PLCD1: variants seen among roughly 807,000 people sequenced by gnomAD.
PLCD1 encodes the protein phospholipase C delta 1.
PLCD1 carries 71 observed loss-of-function variants against 87.4 expected under a neutral mutation model. That is an observed-to-expected ratio of 0.81 (90% CI 0.67 to 0.99). The LOEUF is 0.99. Ranked by LOEUF, PLCD1 falls within the 50% of genes least tolerant of loss-of-function variation. PLCD1 has a pLI of 0.00. For missense variants in PLCD1, 867 were observed against 1,001.5 expected, an observed-to-expected ratio of 0.87 and a Z score of 1.81; for synonymous variants, 348 against 399.2, an observed-to-expected ratio of 0.87 and a Z score of 1.53.
At position 38,025,394 on chromosome 3, in the gene PLCD1, C is replaced by T. The variant is rs999011103; in HGVS notation, c.34+4112G>A. Reference sequence around the variant, plus strand: ...CAGTGGGAGGTGGATGGCAGTCTAGCGGGGACCTGAGTGGGGCGAGATCAG... The same window carrying T: ...CAGTGGGAGGTGGATGGCAGTCTAGTGGGGACCTGAGTGGGGCGAGATCAG... On this transcript the variant is annotated intron_variant, in intron 1 of 14. Transcript: ENST00000334661. The surrounding 1 kb of genome is among the most constrained non-coding windows in gnomAD (Gnocchi z 4.0). Among the ~76,000 whole-genome samples, 1 of 152,044 alleles carries T rather than the reference C, an allele frequency of 6.6e-6. No individual in the cohort carries two copies. The highest frequency in any genetic ancestry group is 1.5e-5 in the Non-Finnish European group (1 of 67,994).
In PLCD1 at chr3:38,020,240, C is replaced by T. The variant is rs761527475; in HGVS notation, c.147G>A (p.Lys49=). The T allele has an allele frequency of 8.7e-5, 141 of 1,613,972 alleles. No homozygotes were observed. Among genetic ancestry groups the T allele is most frequent in the Non-Finnish European group, 1.2e-4 (136 of 1,179,974 alleles). ...CCTTGCGGGACTCCTGCCAGATGGT[C>T]TTGCAGTCCTCCTGCAACTTGTAGA... is the stretch of plus-strand genomic sequence containing the variant. ...ERFYKLQEDC[K]TIWQESRKVM... Residue 49 remains lysine, a synonymous_variant, in exon 2 of 15, where the codon AAG becomes AAA. Transcript: ENST00000334661.
chr3:38,016,723 C>A lies in PLCD1; in HGVS notation c.200-4G>T, dbSNP rs1019545410. The A allele has an allele frequency of 6.5e-7, 1 of 1,542,172 alleles. No homozygotes were observed. Among genetic ancestry groups the A allele is most frequent in the Non-Finnish European group, 8.8e-7 (1 of 1,137,506 alleles). ...TCCTGAATGTCCTCGATGGAGACTGCGAGAGGGGGATGGTGGAGGAGAGAG... is the reference window on the plus strand; with the variant it reads ...TCCTGAATGTCCTCGATGGAGACTGAGAGAGGGGGATGGTGGAGGAGAGAG... On this transcript the variant is annotated splice_polypyrimidine_tract_variant and splice_region_variant and intron_variant, in intron 2 of 14. Coordinates refer to ENST00000334661, the MANE Select transcript of PLCD1 (RefSeq NM_006225.4).
rs769569382 is a variant in PLCD1, at chr3:38,010,255, C to T, written c.1013G>A (p.Arg338Gln). 6.8e-6 allele frequency: 11 copies of T among 1,614,246 alleles called. No homozygotes were observed. Among genetic ancestry groups the T allele is most frequent in the Admixed American group, 1.7e-5 (1 of 60,034 alleles). The stretch of plus-strand genomic sequence containing the variant: ...GTCCCAGCAGTCAAGCTCCAGGCAT[C>T]GGCAGCCTTTGCACAGTGCCCTGCG... ...AYIRALCKGCRCLELDCWDGP... is the reference protein window; with the variant it reads ...AYIRALCKGCQCLELDCWDGP... Residue 338 changes from arginine to glutamine, a missense_variant, in exon 7 of 15, where the codon CGA becomes CAA. Coordinates refer to ENST00000334661, the MANE Select transcript of PLCD1 (RefSeq NM_006225.4).
intron 1 of PLCD1, among the ~76,000 whole-genome samples, chr3:38,022,141 C>G (rs771766970): frequency 1.3e-5 from 2 of 152,226 alleles, no homozygotes; most frequent in Non-Finnish European, 2.9e-5. Flanking sequence ...GGGTGACAGT[C>G]TGATGTGACC....
At position 38,018,809 on chromosome 3, in the gene PLCD1, C is replaced by G. The variant is rs1010806815; in HGVS notation, c.199+1379G>C. Among the ~76,000 whole-genome samples the G allele has an allele frequency of 1.1e-4, 16 of 152,134 alleles. No homozygotes were observed. Reference sequence around the variant, plus strand: ...AAAAGGTCAGGCGGTCACTCCTGTACAGTGTGGCAGCAGGCTGAGCTGGGG... The same window carrying G: ...AAAAGGTCAGGCGGTCACTCCTGTAGAGTGTGGCAGCAGGCTGAGCTGGGG... On this transcript the variant is annotated intron_variant, in intron 2 of 14. Coordinates refer to ENST00000334661, the MANE Select transcript of PLCD1 (RefSeq NM_006225.4). This position sits in a 1 kb window ranked among gnomAD's most constrained non-coding sequence, Gnocchi z 5.7.
Position 38,010,113 on chromosome 3 carries a change from T to C in PLCD1, c.1137+18A>G. ...CACCCCTAGCATCCCACTCCTCACC[T>C]GCCAGGGGCACTCCCACCTTGAAGG... is the stretch of plus-strand genomic sequence containing the variant. On this transcript the variant is annotated intron_variant, in intron 7 of 14. Coordinates refer to ENST00000334661, the MANE Select transcript of PLCD1 (RefSeq NM_006225.4). 1.2e-6 allele frequency: 2 copies of C among 1,614,238 alleles called. No individual in the cohort carries two copies. Among genetic ancestry groups the C allele is most frequent in the Non-Finnish European group, 1.7e-6 (2 of 1,180,030 alleles).
chr3:38,020,637 A>T, intron 1 of PLCD1, among the ~76,000 whole-genome samples: 1 of 152,222 alleles, frequency 6.6e-6, no homozygotes, highest in East Asian at 1.9e-4. Flanking sequence ...CCACAGCTGA[A>T]TGAACAAAAG....
Position 38,010,279 on chromosome 3 carries a change from C to A in PLCD1, c.993-4G>T. On this transcript the variant is annotated splice_polypyrimidine_tract_variant and splice_region_variant and intron_variant, in intron 6 of 14. Transcript: ENST00000334661. ...TCGGCAGCCTTTGCACAGTGCCCTG[C>A]GGGGAGGGTGGTGGCTAGGACCCTC... 1 of 1,614,190 alleles carries A rather than the reference C, an allele frequency of 6.2e-7. No homozygotes were observed. Among genetic ancestry groups the A allele is most frequent in the Non-Finnish European group, 8.5e-7 (1 of 1,180,020 alleles).
chr3:38,024,845 T>G (rs1416244716), intron 1 of PLCD1: 11 of 714,240 alleles, frequency 1.5e-5, no homozygotes, highest in Non-Finnish European at 1.9e-5. Flanking sequence ...CCAAGAGGGG[T>G]GGGACTAACG....
chr3:38,007,964 C>T, intron 14 of PLCD1, 50 bp downstream of exon 14: 1 of 1,612,860 alleles, frequency 6.2e-7, no homozygotes, highest in Non-Finnish European at 8.5e-7. Flanking sequence ...CCAAGAGACG[C>T]CAGGCCCTGC....
intron 14 of PLCD1, 73 bp downstream of exon 14, chr3:38,007,941 A>G (rs2125542339): frequency 6.2e-7 from 1 of 1,607,830 alleles, no homozygotes; most frequent in African/African-American, 1.3e-5. Flanking sequence ...GTCAAGGGAC[A>G]GCCAGCCCCA....
At chr3:38,016,461 G>A (rs758033333) in intron 3 of PLCD1, 30 bp downstream of exon 3, 2 of 1,492,736 alleles carry the variant, frequency 1.3e-6, no homozygotes, top group African/African-American at 2.8e-5. Context: ...CCACAAGCCA[G>A]GCCTGGACCC....
At position 38,007,745 on chromosome 3, in the gene PLCD1, A is replaced by AG. The variant is rs1559369689; in HGVS notation, c.*27dup. On this transcript the variant is annotated 3_prime_UTR_variant, in exon 15 of 15. Transcript: ENST00000334661. ...TGTGGACAGAGGGCCCAGCCCACTC[A>AG]GGGGGGACCCCACTGGCTTCCTCCA... The AG allele has an allele frequency of 3.2e-6, 5 of 1,566,158 alleles. No homozygotes were observed. Among genetic ancestry groups the AG allele is most frequent in the East Asian group, 4.5e-5 (2 of 44,642 alleles).
rs773349864 is a variant in PLCD1 at position 38,008,466 on chromosome 3, T to G, written c.1894A>C (p.Asn632His). The G allele has an allele frequency of 1.9e-5, 30 of 1,614,086 alleles. No homozygotes were observed. The Middle Eastern group carries it at 4.9e-4, about 27-fold the overall frequency. Reference sequence around the variant, plus strand: ...TCCTAGGTCCAGCGTACCCTGATGTTGAGCCGCTTCCGTGCCCACCAGGGC... The same window carrying G: ...TCCTAGGTCCAGCGTACCCTGATGTGGAGCCGCTTCCGTGCCCACCAGGGC... ...QGPWWARKRL[N>H]IRVISGQQLP... The change falls in exon 12 of 15, where the codon AAC becomes CAC. Residue 632 changes from asparagine (N) to histidine (H), a missense_variant. By Grantham distance (68) the Asn-to-His change is moderately conservative. Coordinates refer to ENST00000334661, the MANE Select transcript of PLCD1 (RefSeq NM_006225.4).
Position 38,025,027 on chromosome 3 carries a change from A to T in PLCD1, c.34+4479T>A, listed in dbSNP as rs1325115465. 3.9e-5 allele frequency among the ~76,000 whole-genome samples: 6 copies of T among 152,216 alleles called. No homozygotes were observed. The South Asian group carries it at 1.0e-3, about 26-fold the overall frequency. On this transcript the variant is annotated intron_variant, in intron 1 of 14. Coordinates refer to ENST00000334661, the MANE Select transcript of PLCD1 (RefSeq NM_006225.4). The surrounding 1 kb of genome is among the most constrained non-coding windows in gnomAD (Gnocchi z 4.0). ...AAGCCTGGGGGCGGGGCCAGAGCCA[A>T]GGCAGCGGGGCGAAGGAGGGGCCAG... is the stretch of plus-strand genomic sequence containing the variant.
intron 3 of PLCD1, among the ~76,000 whole-genome samples, chr3:38,012,633 T>C (rs895682845): frequency 2.0e-5 from 3 of 150,052 alleles, no homozygotes; most frequent in Non-Finnish European, 4.4e-5. Flanking sequence ...TCTCCTGCCC[T>C]AGCCTCCTGA....
rs752394842 is a variant in PLCD1, at chr3:38,010,574, G to A, written c.791-12C>T. On this transcript the variant is annotated splice_polypyrimidine_tract_variant and intron_variant, in intron 5 of 14. Transcript: ENST00000334661. ...CCGCTGCGCCTTGGCTGGGAGGGAG[G>A]AGGCCACTGCCCGTCAGAGCCAGCC... 2.5e-6 allele frequency: 4 copies of A among 1,608,352 alleles called. No individual in the cohort carries two copies. The highest frequency in any genetic ancestry group is 1.7e-4 in the Middle Eastern group (1 of 6,044).
At chr3:38,016,433 G>T in intron 3 of PLCD1, 58 bp downstream of exon 3, 1 of 1,219,464 alleles carries the variant, frequency 8.2e-7, no homozygotes, top group Non-Finnish European at 1.2e-6. Context: ...TTGCCCTGGG[G>T]ATAACCACAG....
chr3:38,020,964 T>C (rs951099754), intron 1 of PLCD1, among the ~76,000 whole-genome samples: 2 of 152,218 alleles, frequency 1.3e-5, no homozygotes, highest in African/African-American at 2.4e-5. Flanking sequence ...GCTGGGCCTC[T>C]GCTTTCCTGT....
Sources: gnomAD v4.1 joint callset for allele counts (sites outside exome capture counted in the v4.1 genomes callset) on GRCh38, gnomAD v4.1.1 for gene constraint, Gnocchi (gnomAD v3.1) non-coding constraint, MANE v1.5 for transcripts, NCBI Gene and HGNC (gene_info 2026-07-23, HGNC 2026-07-21) for gene names.